The following SAXO1 variants were observed in gnomAD, a reference collection of about 807,000 sequenced individuals.
SAXO1 encodes the protein 4930500O09Rik.
A neutral mutation model predicts 17.5 loss-of-function variants in SAXO1; 21 were observed. The observed-to-expected ratio is 1.20, with a 90% confidence interval of 0.85 to 1.72. The LOEUF (loss-of-function observed/expected upper bound fraction) is 1.72, where lower values mean the gene tolerates loss of function less well. SAXO1 is among the 40% of genes most tolerant of loss of function. The pLI, the probability that SAXO1 is intolerant of heterozygous loss-of-function variation, is 0.00. For missense variants in SAXO1, 843 were observed against 596.0 expected (o/e 1.41, Z -4.32); for synonymous variants, 274 against 216.5 (o/e 1.27, Z -2.33).
At position 19,031,257 on chromosome 9, in the gene SAXO1, T is replaced by C. The variant is rs139242537; in HGVS notation, c.38+1614A>G. ...AACAATGCAGGAGGACACAGGAGGG[T>C]AATGTAAAGCATCCCAGTAGAAAGA... On this transcript the variant is annotated intron_variant, in intron 1 of 3. Coordinates refer to ENST00000380534, the MANE Select transcript of SAXO1 (RefSeq NM_153707.4). Among the ~76,000 whole-genome samples, 14 of 152,180 alleles carry C rather than the reference T, an allele frequency of 9.2e-5. No individual in the cohort carries two copies. The East Asian group carries it at 1.7e-3, about 19-fold the overall frequency.
At chr9:19,028,769 C>T (rs999940044) in intron 1 of SAXO1, among the ~76,000 whole-genome samples, 6 of 151,870 alleles carry the variant, frequency 4.0e-5, no homozygotes, top group Non-Finnish European at 8.8e-5. Context: ...TTTTTTTAGC[C>T]CAGCAAAGCT....
At chr9:18,933,863 G>A (rs948985712) in intron 3 of SAXO1, among the ~76,000 whole-genome samples, 4 of 152,102 alleles carry the variant, frequency 2.6e-5, no homozygotes, top group Non-Finnish European at 5.9e-5. Context: ...TGGCCAACAT[G>A]GTGAAACCCT....
chr9:18,962,142 G>A (rs745569020), intron 1 of SAXO1, among the ~76,000 whole-genome samples: 3 of 151,972 alleles, frequency 2.0e-5, no homozygotes, highest in Non-Finnish European at 4.4e-5. Context: ...ATCACTGCTC[G>A]CCTCAACCTC....
At chr9:18,947,897 C>T (rs1831862492) in intron 2 of SAXO1, among the ~76,000 whole-genome samples, 1 of 152,144 alleles carries the variant, frequency 6.6e-6, no homozygotes, top group Admixed American at 6.5e-5. Context: ...TTCCAGAAAC[C>T]AGGTGTTTTT....
At chr9:18,952,288 T>C (rs139718793) in intron 1 of SAXO1, among the ~76,000 whole-genome samples, 2 of 152,300 alleles carry the variant, frequency 1.3e-5, no homozygotes, top group Non-Finnish European at 2.9e-5. Flanking sequence ...ATTTTCACAC[T>C]GGACTGATTT....
chr9:18,934,889 T>G (rs12005586), intron 3 of SAXO1, among the ~76,000 whole-genome samples: 3,447 of 152,246 alleles, frequency 0.023, 123 homozygotes, highest in African/African-American at 0.077. Flanking sequence ...ACCGATATTT[T>G]TGTTCATTTT....
chr9:19,010,492 A>T lies in SAXO1; in HGVS notation c.38+22379T>A, dbSNP rs146336378. Among the ~76,000 whole-genome samples the T allele has an allele frequency of 1.5e-4, 23 of 152,170 alleles. No individual in the cohort carries two copies. In the East Asian group the frequency reaches 4.4e-3, roughly 29 times the overall value. ...CATATTTCTAGGAAAAAAAAAAAAGAAACCCTATAGTCTTTTAGAACCTGG... is the reference window on the plus strand; with the variant it reads ...CATATTTCTAGGAAAAAAAAAAAAGTAACCCTATAGTCTTTTAGAACCTGG... On this transcript the variant is annotated intron_variant, in intron 1 of 3. Coordinates refer to ENST00000380534, the MANE Select transcript of SAXO1 (RefSeq NM_153707.4).
At chr9:18,977,426 C>T (rs950426321) in intron 1 of SAXO1, among the ~76,000 whole-genome samples, 5 of 152,156 alleles carry the variant, frequency 3.3e-5, no homozygotes, top group Admixed American at 1.3e-4. Context: ...TCATCAGATG[C>T]TGCCGCTATT....
At chr9:19,041,565 C>T (rs1836081021) in intron 1 of SAXO1, among the ~76,000 whole-genome samples, 1 of 152,030 alleles carries the variant, frequency 6.6e-6, no homozygotes, top group Non-Finnish European at 1.5e-5. Context: ...GTTATGGTAA[C>T]CAAAACAGCA....
At chr9:18,930,741 C>A (rs1200506918) in intron 3 of SAXO1, among the ~76,000 whole-genome samples, 2 of 152,158 alleles carry the variant, frequency 1.3e-5, no homozygotes, top group Non-Finnish European at 1.5e-5. Context: ...TCAGGTAATC[C>A]GCCCACCTCG....
At chr9:18,952,639 G>C (rs536626596) in intron 1 of SAXO1, among the ~76,000 whole-genome samples, 3 of 152,228 alleles carry the variant, frequency 2.0e-5, no homozygotes, top group Non-Finnish European at 2.9e-5. Flanking sequence ...CCTTAAGAAG[G>C]CATGAAATTG....
intron 1 of SAXO1, among the ~76,000 whole-genome samples, chr9:19,029,075 G>C (rs376755685): frequency 6.6e-6 from 1 of 152,184 alleles, no homozygotes; most frequent in African/African-American, 2.4e-5. Flanking sequence ...TGCTCCAAGA[G>C]AGTCACCCAT....
At chr9:18,942,016 T>C (rs1436278263) in intron 2 of SAXO1, among the ~76,000 whole-genome samples, 177 bp from the exon 3 acceptor site, 3 of 137,770 alleles carry the variant, frequency 2.2e-5, no homozygotes, top group Non-Finnish European at 4.6e-5. Flanking sequence ...GTACCATCAA[T>C]TCCTTCTCAC....
intron 1 of SAXO1, among the ~76,000 whole-genome samples, chr9:18,990,298 G>C (rs1460505722): frequency 6.6e-6 from 1 of 152,022 alleles, no homozygotes; most frequent in Non-Finnish European, 1.5e-5. Flanking sequence ...CAGTTAAAAT[G>C]GCAACCTCAG....
intron 1 of SAXO1, among the ~76,000 whole-genome samples, chr9:19,005,256 T>C (rs554279933): frequency 2.0e-5 from 3 of 152,256 alleles, no homozygotes; most frequent in South Asian, 4.1e-4. Flanking sequence ...TCTGTGGCCT[T>C]TTTGGCAGAA....
intron 1 of SAXO1, among the ~76,000 whole-genome samples, chr9:18,987,664 T>C (rs1833650365): frequency 6.6e-6 from 1 of 152,094 alleles, no homozygotes; most frequent in South Asian, 2.1e-4. Context: ...TCTGGGAGGC[T>C]GATGCAGGAG....
chr9:19,024,061 T>A (rs1287750832), intron 1 of SAXO1, among the ~76,000 whole-genome samples: 1 of 145,536 alleles, frequency 6.9e-6, no homozygotes. Flanking sequence ...AAAGACTATT[T>A]ATCTATGTTA....
chr9:18,928,387 G>A lies in SAXO1; in HGVS notation c.1090C>T (p.Pro364Ser), dbSNP rs111600082. ...PVKPVPQLDL[P>S]TEPLDCLTTT... ...GTCAGGCAGTCCAGGGGCTCGGTGG[G>A]CAAGTCCAGCTGGGGAACGGGCTTG... The change falls in exon 4 of 4, where the codon CCC becomes TCC. Residue 364 changes from proline to serine, a missense_variant. By Grantham distance (74) the Pro-to-Ser change is moderately conservative. Coordinates refer to ENST00000380534, the MANE Select transcript of SAXO1 (RefSeq NM_153707.4). 8 of 1,611,586 alleles carry A rather than the reference G, an allele frequency of 5.0e-6. No homozygotes were observed. Among genetic ancestry groups the A allele is most frequent in the African/African-American group, 2.7e-5 (2 of 74,914 alleles).
chr9:18,976,783 AAC>A (rs1433358007), intron 1 of SAXO1, among the ~76,000 whole-genome samples: 1 of 152,226 alleles, frequency 6.6e-6, no homozygotes, highest in Non-Finnish European at 1.5e-5. Flanking sequence ...TGGCTCCAAA[AAC>A]AGTCAAATGA....
Sources: allele counts gnomAD v4.1 joint callset (sites outside exome capture counted in the v4.1 genomes callset), GRCh38; gene constraint gnomAD v4.1.1; transcripts MANE v1.5; gene names NCBI Gene and HGNC (gene_info 2026-07-23, HGNC 2026-07-21).